Variants in ZNF577 observed in about 807,000 individuals in gnomAD.
ZNF577 encodes zinc finger protein 577.
Under a neutral mutation model 13.9 loss-of-function variants are expected in ZNF577, and 14 were observed. The observed-to-expected ratio is 1.00, with a 90% CI of 0.66 to 1.57. The LOEUF (loss-of-function observed/expected upper bound fraction) is 1.57. Ranked by LOEUF, ZNF577 falls within the 40% of genes most tolerant of loss-of-function variation. The pLI is 0.00. For synonymous variants in ZNF577, 203 were observed against 202.9 expected, an observed-to-expected ratio of 1.00 and a Z score of 0.00; for missense variants, 555 against 579.2, an observed-to-expected ratio of 0.96 and a Z score of 0.43.
At chr19:51,807,602 T>C (rs1031723653) in intron 10 of ZNF577, among the ~76,000 whole-genome samples, 3 of 152,170 alleles carry the variant, frequency 2.0e-5, no homozygotes, top group South Asian at 2.1e-4. Flanking sequence ...AGTCCATAGA[T>C]GGCAGCATGA....
Position 51,869,608 on chromosome 19 carries a change from T to G in ZNF577, c.*2924A>C, listed in dbSNP as rs1369552640. ...TGGGGCCACTGTTCTTTCTCTACTT[T>G]GTCTCTGTGTCTTATTTCTTATTTC... is the stretch of plus-strand genomic sequence containing the variant. On this transcript the variant is annotated 3_prime_UTR_variant, in exon 6 of 6. Coordinates refer to ENST00000638348, the MANE Select transcript of ZNF577 (RefSeq NM_001370449.1). Among the ~76,000 whole-genome samples the G allele has an allele frequency of 6.6e-6, 1 of 151,262 alleles. No homozygotes were observed. The highest frequency in any genetic ancestry group is 2.4e-5 in the African/African-American group (1 of 41,384).
At chr19:51,835,720 T>G (rs777067615) in intron 9 of ZNF577, among the ~76,000 whole-genome samples, 8 of 152,158 alleles carry the variant, frequency 5.3e-5, no homozygotes, top group Non-Finnish European at 1.0e-4. Context: ...TTTGAGACAG[T>G]CTTGCTCTGT....
Position 51,867,133 on chromosome 19 carries a change from A to G in ZNF577, c.*5399T>C, listed in dbSNP as rs1040462901. On this transcript the variant is annotated 3_prime_UTR_variant, in exon 6 of 6. Coordinates refer to ENST00000638348, the MANE Select transcript of ZNF577 (RefSeq NM_001370449.1). ...AGCTACATTTCCTCATTCCACCTTT[A>G]CCTGAATCTTGATTTTATGGTTTCT... 8.5e-5 allele frequency among the ~76,000 whole-genome samples: 13 copies of G among 152,202 alleles called. No homozygotes were observed. The highest frequency in any genetic ancestry group is 1.0e-4 in the Non-Finnish European group (7 of 68,042).
chr19:51,860,009 T>C (rs62107504), intron 5 of ZNF577, among the ~76,000 whole-genome samples: 29,052 of 152,096 alleles, frequency 0.19, 3,301 homozygotes, highest in Non-Finnish European at 0.25. Flanking sequence ...GACAATGAAA[T>C]GTCTAATATT....
At chr19:51,874,900 C>T (rs965153114) in intron 5 of ZNF577, among the ~76,000 whole-genome samples, 7 of 152,042 alleles carry the variant, frequency 4.6e-5, no homozygotes, top group African/African-American at 1.2e-4. Context: ...AGCAGAAAAG[C>T]GAAGAATTGA....
intron 9 of ZNF577, chr19:51,826,066 A>G (rs1056332007): frequency 1.2e-5 from 2 of 161,252 alleles, no homozygotes; most frequent in African/African-American, 4.8e-5. Flanking sequence ...TATTAAATGC[A>G]GTTTCTGTAA....
intron 1 of ZNF577, among the ~76,000 whole-genome samples, chr19:51,885,413 G>C (rs1351040327): frequency 6.6e-6 from 1 of 152,198 alleles, no homozygotes; most frequent in Non-Finnish European, 1.5e-5. Context: ...GTTACTGAGA[G>C]AAGTATGTTA....
rs1217290024 is a variant in ZNF577, at chr19:51,871,269, T to C, written c.*1263A>G. 1 of 149,992 alleles carries C rather than the reference T, an allele frequency of 6.7e-6. No homozygotes were observed. The highest frequency in any genetic ancestry group is 6.7e-5 in the Admixed American group (1 of 14,936). 9.3% of individuals were successfully genotyped at this position (149,992 alleles called of 1,614,324 possible). ...CTGGGACTATAGGCACACACCACCATGTCCAGCTATTATTATTTTTTTTTT... is the reference window on the plus strand; with the variant it reads ...CTGGGACTATAGGCACACACCACCACGTCCAGCTATTATTATTTTTTTTTT... On this transcript the variant is annotated 3_prime_UTR_variant, in exon 6 of 6. Coordinates refer to ENST00000638348, the MANE Select transcript of ZNF577 (RefSeq NM_001370449.1).
chr19:51,883,996 C>T lies in ZNF577; in HGVS notation c.-219+2825G>A, dbSNP rs144951259. Among the ~76,000 whole-genome samples, 587 of 152,234 alleles carry T rather than the reference C, an allele frequency of 3.9e-3. 13 individuals are homozygous for T. Among genetic ancestry groups the T allele is most frequent in the East Asian group, 0.031 (162 of 5,180 alleles). On this transcript the variant is annotated intron_variant, in intron 1 of 5. Transcript: ENST00000638348. ...GGCTGAGGCAGGAGAACTGCTTCAACCTGGGAAGTGGGAATTGCAGTGAGC... is the reference window on the plus strand; with the variant it reads ...GGCTGAGGCAGGAGAACTGCTTCAATCTGGGAAGTGGGAATTGCAGTGAGC...
At chr19:51,848,322 C>G (rs2084364329) in intron 5 of ZNF577, among the ~76,000 whole-genome samples, 1 of 152,112 alleles carries the variant, frequency 6.6e-6, no homozygotes, top group Non-Finnish European at 1.5e-5. Flanking sequence ...AGCCTGGGTC[C>G]CTAGGGGAAA....
chr19:51,842,339 G>A (rs1201827529), intron 8 of ZNF577, among the ~76,000 whole-genome samples: 1 of 152,204 alleles, frequency 6.6e-6, no homozygotes, highest in East Asian at 1.9e-4. Flanking sequence ...GGGGCCTAAT[G>A]GGAGGTGTCT....
exon 7 of ZNF577, chr19:51,843,272 T>C (rs1599849682): frequency 6.4e-6 from 1 of 155,906 alleles, no homozygotes; most frequent in Non-Finnish European, 1.4e-5. Context: ...ATTCCACTCC[T>C]CCCAGGTGAA....
chr19:51,811,349 A>C (rs1435101769), intron 10 of ZNF577: 2 of 152,210 alleles, frequency 1.3e-5, no homozygotes, highest in African/African-American at 2.4e-5. Context: ...CAGAACTCTA[A>C]GCAACTGCAC....
At chr19:51,886,227 C>A (rs1293150212) in intron 1 of ZNF577, 1 of 152,022 alleles carries the variant, frequency 6.6e-6, no homozygotes, top group African/African-American at 2.4e-5. Context: ...AGACCAATTT[C>A]TCTTATAAAT....
intron 5 of ZNF577, among the ~76,000 whole-genome samples, chr19:51,855,366 G>GCT (rs1282380092): frequency 7.1e-5 from 6 of 84,556 alleles, no homozygotes; most frequent in Non-Finnish European, 1.4e-4. Context: ...TGCTGAGGGT[G>GCT]CTGTGTGTGT....
intron 5 of ZNF577, among the ~76,000 whole-genome samples, chr19:51,849,856 T>G (rs10421731): frequency 0.47 from 71,552 of 152,112 alleles, 18,053 homozygotes; most frequent in African/African-American, 0.65. Flanking sequence ...TCCAGTTTAC[T>G]TATACAATGG....
intron 9 of ZNF577, among the ~76,000 whole-genome samples, chr19:51,835,607 A>T (rs1247086178): frequency 6.6e-6 from 1 of 152,336 alleles, no homozygotes; most frequent in East Asian, 1.9e-4. Flanking sequence ...TTATGAACTG[A>T]AGTTAAAATT....
chr19:51,880,014 T>G (rs2084835808), intron 3 of ZNF577, among the ~76,000 whole-genome samples: 1 of 152,180 alleles, frequency 6.6e-6, no homozygotes, highest in Admixed American at 6.5e-5. Context: ...ATGAGAGAAT[T>G]CTTCTTCAGG....
At chr19:51,852,231 T>C (rs1447185980) in intron 5 of ZNF577, among the ~76,000 whole-genome samples, 1 of 152,212 alleles carries the variant, frequency 6.6e-6, no homozygotes, top group Non-Finnish European at 1.5e-5. Flanking sequence ...GTAGCCATCT[T>C]GAAAGAAGTG....
Sources: allele counts gnomAD v4.1 joint callset (sites outside exome capture counted in the v4.1 genomes callset), GRCh38; gene constraint gnomAD v4.1.1; transcripts MANE v1.5; gene names NCBI Gene and HGNC (gene_info 2026-07-23, HGNC 2026-07-21).